Variants in VTI1A observed in about 807,000 individuals in gnomAD.
The protein encoded by VTI1A is vesicle transport through interaction with t-SNAREs 1A.
In VTI1A, 22 loss-of-function variants were observed where a neutral mutation model predicts 34.9. That is an observed-to-expected ratio of 0.63 (90% CI 0.45 to 0.90). VTI1A has a LOEUF of 0.90. Ranked by LOEUF, VTI1A falls within the 40% of genes least tolerant of loss-of-function variation. The pLI is 0.00. For synonymous variants in VTI1A, 87 were observed against 97.3 expected (o/e 0.89, Z 0.62); for missense variants, 268 against 275.6 (o/e 0.97, Z 0.20).
intron 3 of VTI1A, among the ~76,000 whole-genome samples, chr10:112,495,196 CTTTTTTT>C (rs751870581): frequency 1.3e-5 from 1 of 79,054 alleles, no homozygotes; most frequent in East Asian, 3.9e-4. Flanking sequence ...CAGTAATGGT[CTTTTTTT>C]TTTTTTTTTT....
chr10:112,819,126 G>A (rs909257103), downstream of VTI1A, among the ~76,000 whole-genome samples: 1 of 152,192 alleles, frequency 6.6e-6, no homozygotes, highest in Non-Finnish European at 1.5e-5. Context: ...CTGTTCAGCA[G>A]GCGTTCTTCA....
intron 5 of VTI1A, among the ~76,000 whole-genome samples, chr10:112,589,379 G>T (rs182612349): frequency 1.3e-5 from 2 of 152,084 alleles, no homozygotes; most frequent in East Asian, 1.9e-4. Flanking sequence ...TCTCTCTCTT[G>T]CCACTGCTAT....
chr10:112,566,148 T>C (rs1400053467), intron 5 of VTI1A, among the ~76,000 whole-genome samples: 2 of 152,092 alleles, frequency 1.3e-5, no homozygotes, highest in African/African-American at 2.4e-5. Context: ...TCAAAATTAG[T>C]ATGTTTTTTT....
chr10:112,781,610 G>A (rs867925021), intron 7 of VTI1A, among the ~76,000 whole-genome samples: 45 of 152,082 alleles, frequency 3.0e-4, no homozygotes, highest in Middle Eastern at 3.4e-3. Flanking sequence ...GGAGGCTGAG[G>A]CGGGTGGATC....
intron 7 of VTI1A, among the ~76,000 whole-genome samples, chr10:112,787,603 T>G (rs563330834): frequency 3.8e-4 from 58 of 152,218 alleles, no homozygotes; most frequent in Non-Finnish European, 6.8e-4. Context: ...TTGTTGTGAT[T>G]TTTTTCTTTG....
In VTI1A at chr10:112,782,216, G is replaced by A. The variant is rs771627067; in HGVS notation, c.561-33074G>A. Among the ~76,000 whole-genome samples the A allele has an allele frequency of 4.6e-5, 7 of 152,242 alleles. No individual in the cohort carries two copies. The East Asian group carries it at 5.8e-4, about 13-fold the overall frequency. On this transcript the variant is annotated intron_variant, in intron 7 of 7. Transcript: ENST00000393077. Reference sequence around the variant, plus strand: ...CATTTCCCACAGACCTCATCAGAGCGCTTGCTGGACTCTGTGTGTCCAGGG... The same window carrying A: ...CATTTCCCACAGACCTCATCAGAGCACTTGCTGGACTCTGTGTGTCCAGGG...
chr10:112,751,316 T>C (rs1352640088), intron 7 of VTI1A, among the ~76,000 whole-genome samples: 1 of 152,098 alleles, frequency 6.6e-6, no homozygotes, highest in Non-Finnish European at 1.5e-5. Flanking sequence ...CCAGGGCACG[T>C]AGAGAGAGCA....
At chr10:112,699,006 A>G (rs1848895151) in intron 7 of VTI1A, among the ~76,000 whole-genome samples, 1 of 152,206 alleles carries the variant, frequency 6.6e-6, no homozygotes, top group Admixed American at 6.5e-5. Context: ...GTTCCAGCAG[A>G]TGGGTGTGTC....
Position 112,761,119 on chromosome 10 carries a change from A to G in VTI1A, c.561-54171A>G, listed in dbSNP as rs191648204. 1.2e-3 allele frequency among the ~76,000 whole-genome samples: 182 copies of G among 152,256 alleles called. 1 individual carries two copies. Among genetic ancestry groups the G allele is most frequent in the African/African-American group, 4.3e-3 (178 of 41,528 alleles). ...CCTCTTACTCAGGCTCATGCATACC[A>G]TGGACTGTATGTCTTGAGGAATCCG... On this transcript the variant is annotated intron_variant, in intron 7 of 7. Coordinates refer to ENST00000393077, the MANE Select transcript of VTI1A (RefSeq NM_145206.4).
intron 7 of VTI1A, among the ~76,000 whole-genome samples, chr10:112,802,458 G>A (rs895760333): frequency 1.5e-4 from 23 of 152,198 alleles, no homozygotes; most frequent in African/African-American, 5.1e-4. Flanking sequence ...TAAAAATGGG[G>A]ATGATAATAG....
chr10:112,614,659 C>T (rs979045094), intron 5 of VTI1A, among the ~76,000 whole-genome samples: 6 of 152,152 alleles, frequency 3.9e-5, no homozygotes, highest in African/African-American at 1.4e-4. Context: ...GACAGTTGGG[C>T]ATCTTGAAGG....
chr10:112,541,912 G>C (rs974513852), intron 5 of VTI1A, among the ~76,000 whole-genome samples: 2 of 152,298 alleles, frequency 1.3e-5, no homozygotes, highest in African/African-American at 2.4e-5. Flanking sequence ...ACACTACACT[G>C]GTTGCATGAA....
chr10:112,792,576 G>A (rs991609992), intron 7 of VTI1A, among the ~76,000 whole-genome samples: 1 of 152,152 alleles, frequency 6.6e-6, no homozygotes, highest in African/African-American at 2.4e-5. Context: ...GGAATTTTGA[G>A]TGATTCTCCT....
At chr10:112,697,399 C>CTTTTTTT (rs57723783) in intron 7 of VTI1A, among the ~76,000 whole-genome samples, 3 of 114,036 alleles carry the variant, frequency 2.6e-5, no homozygotes, top group African/African-American at 8.2e-5. Flanking sequence ...CTTTTCTTTT[C>CTTTTTTT]TTTTTTTTTT....
intron 3 of VTI1A, among the ~76,000 whole-genome samples, chr10:112,517,670 A>G (rs943965859): frequency 1.3e-5 from 2 of 152,158 alleles, no homozygotes; most frequent in Admixed American, 6.6e-5. Flanking sequence ...TCAAAGTGGC[A>G]CTTTACTTCT....
At chr10:112,629,687 C>G (rs899800794) in intron 5 of VTI1A, among the ~76,000 whole-genome samples, 6 of 152,202 alleles carry the variant, frequency 3.9e-5, no homozygotes, top group Admixed American at 1.3e-4. Context: ...TTAACTTGCT[C>G]TCCAGTTCTC....
intron 5 of VTI1A, among the ~76,000 whole-genome samples, chr10:112,646,675 A>C (rs988129196): frequency 9.2e-5 from 14 of 151,572 alleles, no homozygotes; most frequent in African/African-American, 3.4e-4. Context: ...CGTCCAGCTA[A>C]TTTTTTTGTA....
intron 7 of VTI1A, among the ~76,000 whole-genome samples, chr10:112,703,287 G>T (rs1009103429): frequency 6.6e-6 from 1 of 152,054 alleles, no homozygotes; most frequent in Non-Finnish European, 1.5e-5. Flanking sequence ...ATATTTCTGG[G>T]CCAGGCGCAG....
chr10:112,526,125 G>A (rs532611716), intron 3 of VTI1A, among the ~76,000 whole-genome samples: 2 of 152,256 alleles, frequency 1.3e-5, no homozygotes, highest in East Asian at 3.9e-4. Context: ...CTGAATTTAG[G>A]TCTGAAATAG....
Sources: gnomAD v4.1 joint callset for allele counts (sites outside exome capture counted in the v4.1 genomes callset) on GRCh38, gnomAD v4.1.1 for gene constraint, MANE v1.5 for transcripts, NCBI Gene and HGNC (gene_info 2026-07-23, HGNC 2026-07-21) for gene names.